Variants in TNFRSF8 observed in about 807,000 individuals in gnomAD.
The protein encoded by TNFRSF8 is TNF receptor superfamily member 8.
In TNFRSF8, 26 loss-of-function variants were observed where a neutral mutation model predicts 70.8. The observed-to-expected ratio is 0.37, with a 90% CI of 0.27 to 0.51. The LOEUF (loss-of-function observed/expected upper bound fraction) is 0.51. TNFRSF8 is among the 20% of genes least tolerant of loss of function. TNFRSF8 has a pLI of 0.94. For synonymous variants in TNFRSF8, 356 were observed against 339.2 expected, an observed-to-expected ratio of 1.05 and a Z score of -0.54; for missense variants, 720 against 807.9, an observed-to-expected ratio of 0.89 and a Z score of 1.32.
At chr1:12,102,316 T>C (rs1641439646) in intron 3 of TNFRSF8, among the ~76,000 whole-genome samples, 1 of 152,108 alleles carries the variant, frequency 6.6e-6, no homozygotes, top group Non-Finnish European at 1.5e-5. Context: ...GTGGCATGAG[T>C]GATGAGGAGC....
At chr1:12,100,397 T>C (rs1641401361) in intron 3 of TNFRSF8, among the ~76,000 whole-genome samples, 1 of 152,016 alleles carries the variant, frequency 6.6e-6, no homozygotes. Flanking sequence ...AATAATAAAT[T>C]AAACAACTTT....
At position 12,088,014 on chromosome 1, in the gene TNFRSF8, C is replaced by CG. The variant is rs1641184935; in HGVS notation, c.151+3467dup. Among the ~76,000 whole-genome samples, 1 of 152,062 alleles carries CG rather than the reference C, an allele frequency of 6.6e-6. No individual in the cohort carries two copies. Among genetic ancestry groups the CG allele is most frequent in the Non-Finnish European group, 1.5e-5 (1 of 68,012 alleles). ...CACAAAAACCCCTTCTTTGATCTCT[C>CG]GGGGAAATTTCTTGACATTTTGCCT... is the stretch of plus-strand genomic sequence containing the variant. On this transcript the variant is annotated intron_variant, in intron 2 of 14. Coordinates refer to ENST00000263932, the MANE Select transcript of TNFRSF8 (RefSeq NM_001243.5). This position sits in a 1 kb window ranked among gnomAD's most constrained non-coding sequence, Gnocchi z 4.0.
Position 12,088,294 on chromosome 1 carries a change from T to C in TNFRSF8, c.151+3743T>C, listed in dbSNP as rs1641189449. ...CGATTCATACCGATGGAGCACGCTA[T>C]GTGCTGGCCACTGTGCTGGGCCCTT... On this transcript the variant is annotated intron_variant, in intron 2 of 14. Transcript: ENST00000263932. The surrounding 1 kb of genome is among the most constrained non-coding windows in gnomAD (Gnocchi z 4.0). Among the ~76,000 whole-genome samples, 1 of 150,856 alleles carries C rather than the reference T, an allele frequency of 6.6e-6. No homozygotes were observed. Among genetic ancestry groups the C allele is most frequent in the African/African-American group, 2.4e-5 (1 of 40,882 alleles).
chr1:12,066,113 G>T (rs1640735112), intron 1 of TNFRSF8, among the ~76,000 whole-genome samples: 1 of 152,054 alleles, frequency 6.6e-6, no homozygotes, highest in Non-Finnish European at 1.5e-5. Context: ...TTATATCCTT[G>T]TTGCCTTAAT....
intron 10 of TNFRSF8, 94 bp from the exon 11 acceptor site, chr1:12,125,851 TGGAAGC>T: frequency 1.1e-6 from 1 of 916,830 alleles, no homozygotes; most frequent in Non-Finnish European, 1.8e-6. Flanking sequence ...TTAGCCATGA[TGGAAGC>T]TGTGTCCCAG....
intron 1 of TNFRSF8, among the ~76,000 whole-genome samples, chr1:12,069,102 A>C (rs1569974290): frequency 7.3e-6 from 1 of 136,464 alleles, no homozygotes; most frequent in Non-Finnish European, 1.5e-5. Context: ...CTAACTCCTG[A>C]CCTCGTGATC....
At chr1:12,111,128 C>G (rs1299728403) in intron 6 of TNFRSF8, among the ~76,000 whole-genome samples, 1 of 152,038 alleles carries the variant, frequency 6.6e-6, no homozygotes, top group Non-Finnish European at 1.5e-5. Flanking sequence ...ATAGTTGTAC[C>G]TTCTCCCGCT....
Position 12,142,462 on chromosome 1 carries a change from C to G in TNFRSF8, c.1719C>G (p.Ser573Arg), listed in dbSNP as rs776112690. The change falls in exon 15 of 15, where the codon AGC becomes AGG. Residue 573 changes from serine (S) to arginine (R), a missense_variant. Transcript: ENST00000263932. This position sits in a 1 kb window ranked among gnomAD's most constrained non-coding sequence, Gnocchi z 5.0. Reference sequence around the variant, plus strand: ...CAGAACCGCCTCTGGGCAGCTGCAGCGATGTCATGCTCTCAGTGGAAGAGG... The same window carrying G: ...CAGAACCGCCTCTGGGCAGCTGCAGGGATGTCATGCTCTCAGTGGAAGAGG... Reference protein sequence around the residue: ...QETEPPLGSCSDVMLSVEEEG... With the variant: ...QETEPPLGSCRDVMLSVEEEG... 22 of 1,610,744 alleles carry G rather than the reference C, an allele frequency of 1.4e-5. No individual in the cohort carries two copies. The highest frequency in any genetic ancestry group is 1.7e-5 in the Non-Finnish European group (20 of 1,178,754).
At chr1:12,078,276 A>C (rs1315620828) in intron 1 of TNFRSF8, among the ~76,000 whole-genome samples, 1 of 152,074 alleles carries the variant, frequency 6.6e-6, no homozygotes, top group Non-Finnish European at 1.5e-5. Context: ...AAAAGCAGTC[A>C]GTCTCGGCCA....
intron 2 of TNFRSF8, among the ~76,000 whole-genome samples, chr1:12,094,058 CAAAAA>C (rs778868213): frequency 2.4e-5 from 2 of 84,676 alleles, no homozygotes; most frequent in African/African-American, 4.8e-5. Context: ...GACTTTGTCT[CAAAAA>C]AAAAAAAAAA....
intron 3 of TNFRSF8, among the ~76,000 whole-genome samples, chr1:12,101,966 C>T (rs1392979773): frequency 2.0e-5 from 3 of 152,156 alleles, no homozygotes; most frequent in Non-Finnish European, 2.9e-5. Flanking sequence ...TGAGCCACCG[C>T]GCCCGGCTTC....
At chr1:12,079,179 T>G (rs1641019536) in intron 1 of TNFRSF8, among the ~76,000 whole-genome samples, 1 of 152,182 alleles carries the variant, frequency 6.6e-6, no homozygotes, top group Admixed American at 6.5e-5. Context: ...TTTTTGAAAG[T>G]GAACTTTAAC....
intron 3 of TNFRSF8, among the ~76,000 whole-genome samples, chr1:12,099,891 G>A (rs6681374): frequency 0.03 from 4,531 of 152,118 alleles, 224 homozygotes; most frequent in African/African-American, 0.1. Context: ...GACATAGGCC[G>A]GGCACAGTGA....
chr1:12,126,309 G>C, intron 12 of TNFRSF8, 73 bp downstream of exon 12: 2 of 1,572,040 alleles, frequency 1.3e-6, no homozygotes, highest in Non-Finnish European at 1.7e-6. Flanking sequence ...CGGGGCGTGG[G>C]CTCCAGAGAC....
chr1:12,112,420 C>T lies in TNFRSF8; in HGVS notation c.793+406C>T, dbSNP rs1325042348. 6.6e-6 allele frequency among the ~76,000 whole-genome samples: 1 copy of T among 151,006 alleles called. No homozygotes were observed. The highest frequency in any genetic ancestry group is 1.5e-5 in the Non-Finnish European group (1 of 67,806). ...TTTTTTTTTTTCCCAGACAGGGTCT[C>T]ACTCCTTCACCCAAGCTGCAGTACG... is the stretch of plus-strand genomic sequence containing the variant. On this transcript the variant is annotated intron_variant, in intron 7 of 14. Coordinates refer to ENST00000263932, the MANE Select transcript of TNFRSF8 (RefSeq NM_001243.5). The surrounding 1 kb of genome is among the most constrained non-coding windows in gnomAD (Gnocchi z 5.3).
chr1:12,125,130 G>A (rs895291150), intron 10 of TNFRSF8, among the ~76,000 whole-genome samples: 5 of 152,240 alleles, frequency 3.3e-5, no homozygotes, highest in Non-Finnish European at 7.3e-5. Context: ...GCACATTAAC[G>A]TTTGAGAAGC....
At chr1:12,107,394 C>CAA (rs57800364) in intron 4 of TNFRSF8, among the ~76,000 whole-genome samples, 1 of 145,854 alleles carries the variant, frequency 6.9e-6, no homozygotes, top group African/African-American at 2.5e-5. Flanking sequence ...GACTCTGTTT[C>CAA]AAAAAAAAAA....
intron 1 of TNFRSF8, among the ~76,000 whole-genome samples, chr1:12,074,403 C>A (rs967090239): frequency 6.6e-6 from 1 of 151,996 alleles, no homozygotes; most frequent in Non-Finnish European, 1.5e-5. Context: ...CCTCAGCCTC[C>A]TGAGTAGCTG....
rs1641585410 is a variant in TNFRSF8, at chr1:12,109,457, T to C, written c.422-109T>C. 7 of 856,504 alleles carry C rather than the reference T, an allele frequency of 8.2e-6. No homozygotes were observed. The South Asian group carries it at 8.3e-5, about 10-fold the overall frequency. 53.1% of individuals were successfully genotyped at this position (856,504 alleles called of 1,614,324 possible). On this transcript the variant is annotated intron_variant, in intron 4 of 14. Coordinates refer to ENST00000263932, the MANE Select transcript of TNFRSF8 (RefSeq NM_001243.5). The surrounding 1 kb of genome is among the most constrained non-coding windows in gnomAD (Gnocchi z 4.4). The stretch of plus-strand genomic sequence containing the variant: ...GTGCCACCTCCAGATGACTGCTGTG[T>C]TTTCCAAGGGCCCCATCTCCGACTC...
Sources: gnomAD v4.1 joint callset for allele counts (sites outside exome capture counted in the v4.1 genomes callset) on GRCh38, gnomAD v4.1.1 for gene constraint, Gnocchi (gnomAD v3.1) non-coding constraint, MANE v1.5 for transcripts, NCBI Gene and HGNC (gene_info 2026-07-23, HGNC 2026-07-21) for gene names.